TBC1D5: variants seen among roughly 807,000 people sequenced by gnomAD.
TBC1D5 encodes TBC1 domain family, member 5.
TBC1D5 carries 75 observed loss-of-function variants against 100.3 expected under a neutral mutation model. The ratio of observed to expected loss-of-function variants is 0.75; its 90% CI spans 0.62 to 0.91. TBC1D5 has a LOEUF of 0.91. Ranked by LOEUF, TBC1D5 falls within the 40% of genes least tolerant of loss-of-function variation. The probability of loss-of-function intolerance (pLI) is 0.00; values close to 1 mark genes in which losing one functional copy is unlikely to be tolerated. For missense variants in TBC1D5, 910 were observed against 942.4 expected, an observed-to-expected ratio of 0.97 and a Z score of 0.45; for synonymous variants, 323 against 325.6, an observed-to-expected ratio of 0.99 and a Z score of 0.09.
rs190433431 is a variant in TBC1D5 at position 17,452,539 on chromosome 3, A to G, written c.98-24020T>C. On this transcript the variant is annotated intron_variant, in intron 3 of 21. Coordinates refer to ENST00000253692, the Ensembl canonical transcript of TBC1D5. ...AAAGAAGAAAAGTAGTTATACTTACATCAGACAAAATAGATATCCAGACAA... is the reference window on the plus strand; with the variant it reads ...AAAGAAGAAAAGTAGTTATACTTACGTCAGACAAAATAGATATCCAGACAA... Among the ~76,000 whole-genome samples the G allele has an allele frequency of 1.1e-3, 160 of 152,312 alleles. 2 individuals carry two copies. The South Asian group carries it at 0.018, about 18-fold the overall frequency.
intron 13 of TBC1D5, among the ~76,000 whole-genome samples, chr3:17,314,232 T>C (rs1213229385): frequency 6.6e-6 from 1 of 151,958 alleles, no homozygotes; most frequent in Non-Finnish European, 1.5e-5. Context: ...AGGCATAGAG[T>C]AGGGGGTTAA....
chr3:17,362,158 A>G (rs1393860481), intron 13 of TBC1D5, among the ~76,000 whole-genome samples: 2 of 152,210 alleles, frequency 1.3e-5, no homozygotes, highest in South Asian at 2.1e-4. Context: ...AATAAATCAT[A>G]GACCTAAATA....
chr3:17,179,963 G>A (rs1464355964), intron 19 of TBC1D5, among the ~76,000 whole-genome samples: 2 of 152,204 alleles, frequency 1.3e-5, no homozygotes, highest in Non-Finnish European at 2.9e-5. Context: ...GCTGCTCACA[G>A]ATCAGACTAG....
rs537468866 is a variant in TBC1D5, at chr3:17,208,519, TA to T, written c.1752+5687del. On this transcript the variant is annotated intron_variant, in intron 18 of 21. Coordinates refer to ENST00000253692, the Ensembl canonical transcript of TBC1D5. The stretch of plus-strand genomic sequence containing the variant: ...TGACTTAACACACTATTTAATAAAA[TA>T]ATAAGATAAAACTATTACTTGGAAA... Among the ~76,000 whole-genome samples, 1,072 of 152,368 alleles carry T rather than the reference TA, an allele frequency of 7.0e-3. 6 individuals are homozygous for T. The highest frequency in any genetic ancestry group is 0.012 in the Non-Finnish European group (822 of 68,026).
chr3:17,624,317 CTTTAT>C (rs2062897320), intron 1 of TBC1D5, among the ~76,000 whole-genome samples: 1 of 152,066 alleles, frequency 6.6e-6, no homozygotes, highest in African/African-American at 2.4e-5. Flanking sequence ...TACATGATGC[CTTTAT>C]TTTTTTATAA....
chr3:17,489,777 T>C lies in TBC1D5; in HGVS notation c.97+18697A>G, dbSNP rs2095615665. On this transcript the variant is annotated intron_variant, in intron 3 of 21. Coordinates refer to ENST00000253692, the Ensembl canonical transcript of TBC1D5. ...TATCACTAATGGGCATCTGGGTAGA[T>C]TCCACTTCTTTGCTATTGTGAATAG... Among the ~76,000 whole-genome samples, 3 of 152,342 alleles carry C rather than the reference T, an allele frequency of 2.0e-5. No homozygotes were observed. In the South Asian group the frequency reaches 6.2e-4, roughly 32 times the overall value.
chr3:17,511,191 T>C (rs992762426), intron 2 of TBC1D5, among the ~76,000 whole-genome samples: 6 of 151,942 alleles, frequency 3.9e-5, no homozygotes, highest in African/African-American at 1.4e-4. Context: ...AAATACTGAG[T>C]AGAACAGATT....
At chr3:17,240,098 T>C (rs1357654859) in intron 16 of TBC1D5, among the ~76,000 whole-genome samples, 2 of 152,208 alleles carry the variant, frequency 1.3e-5, no homozygotes, top group East Asian at 1.9e-4. Context: ...TATCCTTTCA[T>C]TACTACATGT....
chr3:17,608,345 G>C (rs994908417), intron 2 of TBC1D5, among the ~76,000 whole-genome samples: 8 of 152,054 alleles, frequency 5.3e-5, no homozygotes, highest in African/African-American at 1.9e-4. Flanking sequence ...AGCACAGTAA[G>C]ATCAAAAAAA....
At chr3:17,165,938 C>T (rs1397168757) in intron 21 of TBC1D5, among the ~76,000 whole-genome samples, 1 of 152,122 alleles carries the variant, frequency 6.6e-6, no homozygotes. Context: ...CTGTATGTGT[C>T]CTCTGGCCTT....
intron 21 of TBC1D5, among the ~76,000 whole-genome samples, chr3:17,166,263 G>A (rs1196237265): frequency 6.6e-6 from 1 of 152,170 alleles, no homozygotes; most frequent in Non-Finnish European, 1.5e-5. Flanking sequence ...TACTTACGCT[G>A]TAGCCCTCTA....
chr3:17,239,153 T>C (rs1333232542), intron 16 of TBC1D5, among the ~76,000 whole-genome samples: 2 of 152,238 alleles, frequency 1.3e-5, no homozygotes, highest in South Asian at 2.1e-4. Flanking sequence ...TTTTTGTCTC[T>C]TTTGTTAACT....
chr3:17,163,288 G>C (rs183914908), intron 21 of TBC1D5, among the ~76,000 whole-genome samples: 42 of 142,520 alleles, frequency 2.9e-4, no homozygotes, highest in African/African-American at 1.1e-3. Context: ...TTGCATTACA[G>C]ATCAAGAAAA....
intron 13 of TBC1D5, among the ~76,000 whole-genome samples, chr3:17,350,780 A>T (rs749972988): frequency 6.6e-6 from 1 of 152,162 alleles, no homozygotes; most frequent in Non-Finnish European, 1.5e-5. Flanking sequence ...TTAGGTGTGC[A>T]TTAGACAACC....
chr3:17,631,287 A>G (rs1344215395), intron 1 of TBC1D5, among the ~76,000 whole-genome samples: 2 of 152,228 alleles, frequency 1.3e-5, no homozygotes, highest in Non-Finnish European at 2.9e-5. Flanking sequence ...CTTCAATTCC[A>G]TGAAGATGAG....
chr3:17,383,169 T>C (rs2093018600), intron 9 of TBC1D5, among the ~76,000 whole-genome samples: 1 of 151,974 alleles, frequency 6.6e-6, no homozygotes. Flanking sequence ...ATTAAGTGTT[T>C]TCTATTATAT....
At chr3:17,207,819 T>C (rs1229590222) in intron 18 of TBC1D5, among the ~76,000 whole-genome samples, 2 of 152,228 alleles carry the variant, frequency 1.3e-5, no homozygotes, top group African/African-American at 4.8e-5. Context: ...GACTGATAGC[T>C]ACTACTATAT....
intron 2 of TBC1D5, among the ~76,000 whole-genome samples, chr3:17,518,727 C>T (rs1021195748): frequency 2.0e-5 from 3 of 152,238 alleles, no homozygotes; most frequent in African/African-American, 7.2e-5. Flanking sequence ...GCAGAAAGCC[C>T]ACTGAGCTGT....
chr3:17,426,731 G>C (rs2094345039), intron 4 of TBC1D5, among the ~76,000 whole-genome samples: 1 of 151,828 alleles, frequency 6.6e-6, no homozygotes, highest in African/African-American at 2.4e-5. Context: ...AAACCCACAA[G>C]ATAATACTAT....
Sources: gnomAD v4.1 joint callset for allele counts (sites outside exome capture counted in the v4.1 genomes callset) on GRCh38, gnomAD v4.1.1 for gene constraint, MANE v1.5 for transcripts, NCBI Gene and HGNC (gene_info 2026-07-23, HGNC 2026-07-21) for gene names.